Variants in CACNA2D1 observed in about 807,000 individuals in gnomAD.
CACNA2D1 encodes voltage-dependent calcium channel subunit alpha-2/delta-1.
Under a neutral mutation model 171.5 loss-of-function variants are expected in CACNA2D1, and 53 were observed. That is an observed-to-expected ratio of 0.31 (90% CI 0.25 to 0.39). The LOEUF (loss-of-function observed/expected upper bound fraction) is 0.39. CACNA2D1 is among the 10% of genes least tolerant of loss of function. The probability of loss-of-function intolerance (pLI) is 1.00; values close to 1 mark genes in which losing one functional copy is unlikely to be tolerated. For synonymous variants in CACNA2D1, 442 were observed against 443.1 expected (o/e 1.00, Z 0.03); for missense variants, 903 against 1,299.8 (o/e 0.69, Z 4.69).
intron 38 of CACNA2D1, among the ~76,000 whole-genome samples, chr7:81,952,370 A>C (rs1792703783): frequency 2.0e-5 from 3 of 152,104 alleles, no homozygotes. Context: ...ACAGTAAATA[A>C]AATTATTTCT....
At chr7:81,957,094 T>C (rs1793479385) in intron 38 of CACNA2D1, among the ~76,000 whole-genome samples, 1 of 152,122 alleles carries the variant, frequency 6.6e-6, no homozygotes, top group African/African-American at 2.4e-5. Flanking sequence ...TGAAAGGAAT[T>C]GAAAGAGTGC....
chr7:82,144,568 C>G (rs1222274807), intron 4 of CACNA2D1, among the ~76,000 whole-genome samples: 2 of 151,928 alleles, frequency 1.3e-5, no homozygotes, highest in African/African-American at 4.8e-5. Flanking sequence ...ATTTAAAATT[C>G]TAGCAGAAGG....
intron 12 of CACNA2D1, among the ~76,000 whole-genome samples, chr7:82,018,263 C>G (rs1463602274): frequency 6.6e-6 from 1 of 152,104 alleles, no homozygotes; most frequent in African/African-American, 2.4e-5. Flanking sequence ...TACAATTTAG[C>G]TTCTATTGTA....
intron 4 of CACNA2D1, among the ~76,000 whole-genome samples, chr7:82,147,069 CA>C (rs1196428630): frequency 1.4e-5 from 2 of 141,684 alleles, no homozygotes; most frequent in African/African-American, 5.3e-5. Context: ...CATACCTGCA[CA>C]CATACACATA....
intron 5 of CACNA2D1, among the ~76,000 whole-genome samples, chr7:82,123,423 C>T (rs1789973716): frequency 6.6e-6 from 1 of 152,242 alleles, no homozygotes; most frequent in South Asian, 2.1e-4. Flanking sequence ...TCACAACTGT[C>T]AATGATAAAA....
At chr7:82,295,602 C>A (rs142923603) in intron 3 of CACNA2D1, among the ~76,000 whole-genome samples, 2 of 151,966 alleles carry the variant, frequency 1.3e-5, no homozygotes, top group East Asian at 3.9e-4. Flanking sequence ...GCGATCCTCC[C>A]ATCTCAGCCT....
intron 3 of CACNA2D1, among the ~76,000 whole-genome samples, chr7:82,262,318 G>A (rs1807227321): frequency 6.6e-6 from 1 of 152,114 alleles, no homozygotes; most frequent in African/African-American, 2.4e-5. Flanking sequence ...GCAACAGAGT[G>A]AGACTCTGTC....
At chr7:82,076,015 C>G (rs940906768) in intron 7 of CACNA2D1, among the ~76,000 whole-genome samples, 1 of 152,110 alleles carries the variant, frequency 6.6e-6, no homozygotes, top group Non-Finnish European at 1.5e-5. Flanking sequence ...ATATTACCAA[C>G]CTGTTTACCT....
At chr7:81,965,418 A>C (rs1794615626) in intron 32 of CACNA2D1, among the ~76,000 whole-genome samples, 176 bp downstream of exon 32, 1 of 151,950 alleles carries the variant, frequency 6.6e-6, no homozygotes, top group South Asian at 2.1e-4. Flanking sequence ...ATAACATAAA[A>C]ACTAGACTTA....
intron 6 of CACNA2D1, 152 bp from the exon 7 acceptor site, chr7:82,085,052 T>C (rs1354100656): frequency 1.1e-5 from 8 of 698,264 alleles, no homozygotes; most frequent in Middle Eastern, 3.8e-4. Flanking sequence ...TTCGACACTT[T>C]AGAGGACAGT....
intron 38 of CACNA2D1, among the ~76,000 whole-genome samples, chr7:81,958,817 T>G (rs1033420602): frequency 1.3e-5 from 2 of 151,794 alleles, no homozygotes; most frequent in African/African-American, 4.8e-5. Flanking sequence ...TAGAACTCTG[T>G]AATAATAAGA....
At chr7:82,398,702 C>T (rs116868769) in intron 1 of CACNA2D1, among the ~76,000 whole-genome samples, 3,149 of 151,790 alleles carry the variant, frequency 0.021, 114 homozygotes, top group East Asian at 0.12. Context: ...TTCAGCCTCC[C>T]GAGTAGCTGG....
At chr7:82,423,446 C>G (rs1828902650) in intron 1 of CACNA2D1, among the ~76,000 whole-genome samples, 1 of 152,150 alleles carries the variant, frequency 6.6e-6, no homozygotes, top group African/African-American at 2.4e-5. Context: ...TCCTCCTTTT[C>G]ACTGCAGTAT....
chr7:82,168,354 G>C (rs765313110), intron 4 of CACNA2D1, among the ~76,000 whole-genome samples: 7 of 152,068 alleles, frequency 4.6e-5, no homozygotes, highest in Non-Finnish European at 7.4e-5. Flanking sequence ...ATGTTGACAA[G>C]GCTGGTTTTG....
intron 3 of CACNA2D1, among the ~76,000 whole-genome samples, chr7:82,206,740 T>C (rs1240447176): frequency 6.6e-6 from 1 of 152,096 alleles, no homozygotes; most frequent in Non-Finnish European, 1.5e-5. Flanking sequence ...ATTTTTCCAA[T>C]AGTGGCATTA....
intron 10 of CACNA2D1, among the ~76,000 whole-genome samples, chr7:82,041,425 T>C (rs971922851): frequency 2.6e-5 from 4 of 152,050 alleles, no homozygotes; most frequent in African/African-American, 9.7e-5. Context: ...TGGATGATGA[T>C]AGTTACTGTC....
chr7:81,978,434 A>G (rs950169866), intron 24 of CACNA2D1, among the ~76,000 whole-genome samples: 3 of 152,114 alleles, frequency 2.0e-5, no homozygotes, highest in African/African-American at 7.2e-5. Context: ...TTGCAGGGAC[A>G]TGGATGAAGC....
chr7:82,052,568 CAAAAT>C (rs1419552861), intron 10 of CACNA2D1, among the ~76,000 whole-genome samples: 2 of 151,894 alleles, frequency 1.3e-5, no homozygotes, highest in African/African-American at 2.4e-5. Flanking sequence ...AGTATATACT[CAAAAT>C]AAAGCAGACT....
chr7:82,187,894 G>A (rs1457825606), intron 3 of CACNA2D1, among the ~76,000 whole-genome samples: 1 of 152,106 alleles, frequency 6.6e-6, no homozygotes, highest in Non-Finnish European at 1.5e-5. Flanking sequence ...CTGCTTTCTG[G>A]TTCATAGGCA....
Sources: gnomAD v4.1 joint callset for allele counts (sites outside exome capture counted in the v4.1 genomes callset) on GRCh38, gnomAD v4.1.1 for gene constraint, MANE v1.5 for transcripts, NCBI Gene and HGNC (gene_info 2026-07-23, HGNC 2026-07-21) for gene names.